The following CNTNAP2 variants were observed in gnomAD, a reference collection of about 807,000 sequenced individuals.
CNTNAP2 encodes the protein contactin associated protein 2, also known as contactin-associated protein-like 2.
CNTNAP2 carries 98 observed loss-of-function variants against 155.2 expected under a neutral mutation model. The ratio of observed to expected loss-of-function variants is 0.63; its 90% CI spans 0.54 to 0.75. CNTNAP2 has a LOEUF of 0.75. Among genes scored for constraint, CNTNAP2 ranks in the 30% least tolerant of loss-of-function variants. CNTNAP2 has a pLI of 0.00. For synonymous variants in CNTNAP2, 651 were observed against 631.2 expected (o/e 1.03, Z -0.47); for missense variants, 1,727 against 1,688.1 (o/e 1.02, Z -0.40).
intron 1 of CNTNAP2, among the ~76,000 whole-genome samples, chr7:146,613,738 A>G (rs1316883648): frequency 6.6e-6 from 1 of 152,172 alleles, no homozygotes; most frequent in Non-Finnish European, 1.5e-5. Context: ...CAAATGCTTG[A>G]TAGTAACAGT....
chr7:148,235,649 G>A (rs541337667), intron 20 of CNTNAP2, among the ~76,000 whole-genome samples: 2 of 151,182 alleles, frequency 1.3e-5, no homozygotes, highest in South Asian at 4.2e-4. Flanking sequence ...TGAATTATGT[G>A]CCGGATAATG....
At chr7:146,306,055 T>C (rs1800705922) in intron 1 of CNTNAP2, among the ~76,000 whole-genome samples, 1 of 152,058 alleles carries the variant, frequency 6.6e-6, no homozygotes, top group Non-Finnish European at 1.5e-5. Flanking sequence ...TAAAAAATTA[T>C]AAAGGCGATA....
chr7:147,122,915 C>T (rs1032146188), intron 6 of CNTNAP2: 13 of 151,914 alleles, frequency 8.6e-5, no homozygotes, highest in African/African-American at 2.9e-4. Flanking sequence ...ATATGCTCAT[C>T]ATAAAATAAA....
chr7:147,055,871 C>G (rs1231939373), intron 4 of CNTNAP2, among the ~76,000 whole-genome samples: 1 of 152,128 alleles, frequency 6.6e-6, no homozygotes, highest in African/African-American at 2.4e-5. Flanking sequence ...TCCGCAGGAA[C>G]AAAGTTGGGA....
chr7:146,660,305 C>T (rs960628788), intron 1 of CNTNAP2, among the ~76,000 whole-genome samples: 7 of 152,132 alleles, frequency 4.6e-5, no homozygotes, highest in African/African-American at 1.7e-4. Context: ...ACCCAGTGGT[C>T]TTACATACAG....
chr7:146,374,732 T>A (rs571419297), intron 1 of CNTNAP2, among the ~76,000 whole-genome samples: 6 of 152,324 alleles, frequency 3.9e-5, no homozygotes, highest in Admixed American at 2.6e-4. Flanking sequence ...TCTTTTAAAA[T>A]CTATTTGTGA....
Position 147,107,193 on chromosome 7 carries a change from A to C in CNTNAP2, c.551-954A>C, listed in dbSNP as rs566259420. On this transcript the variant is annotated intron_variant, in intron 4 of 23. Transcript: ENST00000361727. ...CTATTTGAACTCAATATTTGATTTGAATGGTTACATTGCATTTTGAATCAT... is the reference window on the plus strand; with the variant it reads ...CTATTTGAACTCAATATTTGATTTGCATGGTTACATTGCATTTTGAATCAT... Among the ~76,000 whole-genome samples, 102 of 152,316 alleles carry C rather than the reference A, an allele frequency of 6.7e-4. 1 individual carries two copies. Among genetic ancestry groups the C allele is most frequent in the African/African-American group, 2.4e-3 (100 of 41,584 alleles).
intron 12 of CNTNAP2, among the ~76,000 whole-genome samples, chr7:147,637,678 C>A (rs1232830781): frequency 1.3e-5 from 2 of 152,026 alleles, no homozygotes; most frequent in Non-Finnish European, 2.9e-5. Flanking sequence ...TTCCTCTCTC[C>A]CTTATAAATT....
intron 10 of CNTNAP2, among the ~76,000 whole-genome samples, chr7:147,414,027 C>A (rs1201523433): frequency 1.3e-5 from 2 of 152,192 alleles, no homozygotes; most frequent in Non-Finnish European, 2.9e-5. Context: ...GCTTTATGTA[C>A]TTCTGTTTCT....
At chr7:147,215,098 G>A (rs948455122) in intron 8 of CNTNAP2, among the ~76,000 whole-genome samples, 1 of 152,104 alleles carries the variant, frequency 6.6e-6, no homozygotes, top group Non-Finnish European at 1.5e-5. Flanking sequence ...GCCTCAACAT[G>A]TGAGGATTAT....
At chr7:146,406,786 C>T (rs73164015) in intron 1 of CNTNAP2, among the ~76,000 whole-genome samples, 4,509 of 152,290 alleles carry the variant, frequency 0.03, 101 homozygotes, top group Non-Finnish European at 0.041. Context: ...AGCAGCTGCT[C>T]TAATGGTTCA....
At chr7:147,652,991 C>T (rs1378455091) in intron 13 of CNTNAP2, among the ~76,000 whole-genome samples, 1 of 151,714 alleles carries the variant, frequency 6.6e-6, no homozygotes, top group East Asian at 1.9e-4. Flanking sequence ...CACTATTGGC[C>T]CTGACAAGTA....
At position 147,463,958 on chromosome 7, in the gene CNTNAP2, T is replaced by TAAAAA. The variant is rs34032978; in HGVS notation, c.1671-21959_1671-21955dup. Among the ~76,000 whole-genome samples the TAAAAA allele has an allele frequency of 9.7e-3, 805 of 82,744 alleles. 29 individuals carry two copies. The highest frequency in any genetic ancestry group is 0.03 in the African/African-American group (611 of 20,364). 54.3% of individuals were successfully genotyped at this position (82,744 alleles called of 152,430 possible). ...CAGTATACCTATTTGGCCCCACTACTAAAAAAAAAAAAAAAAAAAAAAGAG... is the reference window on the plus strand; with the variant it reads ...CAGTATACCTATTTGGCCCCACTACTAAAAAAAAAAAAAAAAAAAAAAAAAAAGAG... On this transcript the variant is annotated intron_variant, in intron 10 of 23. Transcript: ENST00000361727.
chr7:146,151,705 T>A (rs1367332546), intron 1 of CNTNAP2, among the ~76,000 whole-genome samples: 2 of 64,016 alleles, frequency 3.1e-5, no homozygotes, highest in Admixed American at 2.8e-4. Context: ...TATGTATATA[T>A]ATATATATGT....
intron 18 of CNTNAP2, among the ~76,000 whole-genome samples, chr7:148,215,959 A>G (rs1233619714): frequency 6.6e-6 from 1 of 152,226 alleles, no homozygotes; most frequent in East Asian, 1.9e-4. Flanking sequence ...TTTGCACAAT[A>G]TATTCTGCAT....
chr7:148,121,151 C>T (rs1189090741), intron 16 of CNTNAP2, among the ~76,000 whole-genome samples: 2 of 152,134 alleles, frequency 1.3e-5, no homozygotes, highest in Non-Finnish European at 2.9e-5. Context: ...TCTCCTGCCT[C>T]AGCCTCCCGA....
intron 3 of CNTNAP2, among the ~76,000 whole-genome samples, chr7:146,901,030 GTAA>G (rs66815254): frequency 0.3 from 45,106 of 149,518 alleles, 7,375 homozygotes; most frequent in Non-Finnish European, 0.36. Context: ...GATTAAAGTA[GTAA>G]TAATAATAAT....
intron 15 of CNTNAP2, among the ~76,000 whole-genome samples, chr7:148,117,878 T>G (rs993498364): frequency 6.6e-5 from 10 of 150,570 alleles, no homozygotes; most frequent in Admixed American, 3.3e-4. Context: ...TTTATATAGA[T>G]TGTATATATT....
At chr7:146,664,116 G>C (rs1800143615) in intron 1 of CNTNAP2, among the ~76,000 whole-genome samples, 2 of 147,786 alleles carry the variant, frequency 1.4e-5, no homozygotes, top group African/African-American at 5.0e-5. Context: ...GTAAAGATGA[G>C]CATATACTTT....
Sources: allele counts gnomAD v4.1 joint callset (sites outside exome capture counted in the v4.1 genomes callset), GRCh38; gene constraint gnomAD v4.1.1; transcripts MANE v1.5; gene names NCBI Gene and HGNC (gene_info 2026-07-23, HGNC 2026-07-21).